Variants in GRID2 observed in about 807,000 individuals in gnomAD.
GRID2 encodes glutamate ionotropic receptor delta type subunit 2.
In GRID2, 33 loss-of-function variants were observed where a neutral mutation model predicts 114.8. The observed-to-expected ratio is 0.29, with a 90% CI of 0.22 to 0.38. The LOEUF is 0.38. GRID2 is among the 10% of genes least tolerant of loss of function. The pLI is 1.00. For missense variants in GRID2, 1,184 were observed against 1,257.7 expected, an observed-to-expected ratio of 0.94 and a Z score of 0.89; for synonymous variants, 505 against 449.9, an observed-to-expected ratio of 1.12 and a Z score of -1.55.
intron 13 of GRID2, among the ~76,000 whole-genome samples, chr4:93,574,408 A>C (rs904272326): frequency 4.6e-5 from 7 of 152,162 alleles, no homozygotes; most frequent in African/African-American, 1.7e-4. Flanking sequence ...GTCTGTTTTC[A>C]TACTACTGAT....
At position 93,238,507 on chromosome 4, in the gene GRID2, T is replaced by C. The variant is rs17020286; in HGVS notation, c.1245+17T>C. On this transcript the variant is annotated intron_variant, in intron 8 of 15. Transcript: ENST00000282020. The stretch of plus-strand genomic sequence containing the variant: ...GTTCGAAAAGTAAGACAAGACACAC[T>C]GATTAATACGCTTTTTCCTATACTA... 106,806 of 1,601,962 alleles carry C rather than the reference T, an allele frequency of 0.067. 4,961 individuals carry two copies. The highest frequency in any genetic ancestry group is 0.28 in the East Asian group (12,460 of 44,364).
At chr4:93,366,406 A>G (rs191331971) in intron 8 of GRID2, among the ~76,000 whole-genome samples, 264 of 152,212 alleles carry the variant, frequency 1.7e-3, no homozygotes, top group Admixed American at 2.8e-3. Flanking sequence ...TCCCAGGCTT[A>G]TTAGGAAGAG....
intron 8 of GRID2, among the ~76,000 whole-genome samples, chr4:93,367,891 A>G (rs1009411378): frequency 3.3e-5 from 5 of 152,202 alleles, no homozygotes; most frequent in African/African-American, 1.2e-4. Flanking sequence ...TTGAAAAAAT[A>G]AATAACATAG....
intron 6 of GRID2, among the ~76,000 whole-genome samples, chr4:93,218,757 A>C (rs974339092): frequency 6.6e-6 from 1 of 152,186 alleles, no homozygotes; most frequent in Admixed American, 6.6e-5. Context: ...CATAAAGTAC[A>C]GGGAAGAGGT....
intron 14 of GRID2, among the ~76,000 whole-genome samples, chr4:93,664,999 TAGA>T (rs1279260878): frequency 6.6e-6 from 1 of 152,220 alleles, no homozygotes; most frequent in Non-Finnish European, 1.5e-5. Context: ...CTTATAACAG[TAGA>T]AGAATTACTT....
chr4:93,031,957 A>G (rs1724479165), intron 2 of GRID2, among the ~76,000 whole-genome samples: 1 of 152,110 alleles, frequency 6.6e-6, no homozygotes, highest in African/African-American at 2.4e-5. Flanking sequence ...ATCTAGCCAT[A>G]CTTCAAGAGT....
In GRID2 at chr4:93,762,560, T is replaced by A. The variant is rs113791604; in HGVS notation, c.2361-6650T>A. The stretch of plus-strand genomic sequence containing the variant: ...TTCAGGAGAGGAAAGGAAGCCTTAC[T>A]TCTTCTGACCAGAGGATTCTAACAG... On this transcript the variant is annotated intron_variant, in intron 14 of 15. Coordinates refer to ENST00000282020, the MANE Select transcript of GRID2 (RefSeq NM_001510.4). 7.0e-3 allele frequency among the ~76,000 whole-genome samples: 1,071 copies of A among 152,250 alleles called. 16 individuals carry two copies. Among genetic ancestry groups the A allele is most frequent in the African/African-American group, 0.025 (1,023 of 41,570 alleles).
intron 2 of GRID2, among the ~76,000 whole-genome samples, chr4:93,063,805 A>G (rs1180632227): frequency 6.6e-6 from 1 of 151,798 alleles, no homozygotes; most frequent in Admixed American, 6.6e-5. Context: ...GAATTGTACA[A>G]GTATTATTTA....
chr4:92,429,125 T>A (rs1447198752), intron 1 of GRID2, among the ~76,000 whole-genome samples: 1 of 152,180 alleles, frequency 6.6e-6, no homozygotes. Context: ...GGTTTTCTGT[T>A]CTTGTGTTAA....
At chr4:92,683,593 T>G (rs1223804712) in intron 2 of GRID2, among the ~76,000 whole-genome samples, 1 of 151,964 alleles carries the variant, frequency 6.6e-6, no homozygotes, top group Non-Finnish European at 1.5e-5. Context: ...ACTTACATTT[T>G]TATAATCCTT....
intron 2 of GRID2, among the ~76,000 whole-genome samples, chr4:92,640,917 A>C (rs1731310494): frequency 6.6e-6 from 1 of 151,884 alleles, no homozygotes; most frequent in Admixed American, 6.6e-5. Flanking sequence ...TAATACTCTT[A>C]AATTAGAATG....
chr4:92,733,200 A>G (rs1378295383), intron 2 of GRID2, among the ~76,000 whole-genome samples: 2 of 152,140 alleles, frequency 1.3e-5, no homozygotes, highest in East Asian at 1.9e-4. Context: ...TTCATTTTAA[A>G]TTCAATTAAG....
At chr4:92,947,076 A>T (rs1286634806) in intron 2 of GRID2, among the ~76,000 whole-genome samples, 1 of 152,084 alleles carries the variant, frequency 6.6e-6, no homozygotes, top group Non-Finnish European at 1.5e-5. Flanking sequence ...GGTAGTCAAC[A>T]TAAAAGAAAG....
intron 1 of GRID2, among the ~76,000 whole-genome samples, chr4:92,442,721 G>A (rs199845074): frequency 1.3e-5 from 2 of 152,140 alleles, no homozygotes; most frequent in East Asian, 1.9e-4. Flanking sequence ...GGGCTGTAAA[G>A]TGTCTCGGTT....
rs958212232 is a variant in GRID2, at chr4:93,727,100, C to G, written c.2361-42110C>G. Among the ~76,000 whole-genome samples the G allele has an allele frequency of 5.9e-5, 9 of 152,120 alleles. No homozygotes were observed. In the East Asian group the frequency reaches 7.7e-4, roughly 13 times the overall value. On this transcript the variant is annotated intron_variant, in intron 14 of 15. Transcript: ENST00000282020. ...GTAACGCTTCCAGTTTTTGCCCATT[C>G]AGTATGATATTGGCTGTGGGTTTGT...
chr4:92,577,360 T>C (rs1727945803), intron 1 of GRID2, among the ~76,000 whole-genome samples: 1 of 152,080 alleles, frequency 6.6e-6, no homozygotes, highest in Non-Finnish European at 1.5e-5. Flanking sequence ...AAAAATGAGA[T>C]TGAGTTGTTA....
intron 2 of GRID2, among the ~76,000 whole-genome samples, chr4:92,952,597 G>A (rs1752114133): frequency 6.6e-6 from 1 of 152,188 alleles, no homozygotes; most frequent in Non-Finnish European, 1.5e-5. Context: ...GTAGCTATAT[G>A]AAGAAAGTTG....
intron 14 of GRID2, among the ~76,000 whole-genome samples, chr4:93,648,557 G>T (rs973568528): frequency 6.6e-6 from 1 of 152,150 alleles, no homozygotes; most frequent in East Asian, 1.9e-4. Flanking sequence ...GCTATAGACC[G>T]CTTCGGCTCA....
At chr4:92,758,862 A>G (rs1737853329) in intron 2 of GRID2, among the ~76,000 whole-genome samples, 1 of 152,142 alleles carries the variant, frequency 6.6e-6, no homozygotes, top group South Asian at 2.1e-4. Flanking sequence ...ATACTTAGCT[A>G]AAGTATAAAG....
Sources: gnomAD v4.1 joint callset for allele counts (sites outside exome capture counted in the v4.1 genomes callset) on GRCh38, gnomAD v4.1.1 for gene constraint, MANE v1.5 for transcripts, NCBI Gene and HGNC (gene_info 2026-07-23, HGNC 2026-07-21) for gene names.